GPLD1: variants seen among roughly 807,000 people sequenced by gnomAD.
The protein encoded by GPLD1 is phosphatidylinositol-glycan-specific phospholipase D.
GPLD1 carries 84 observed loss-of-function variants against 112.6 expected under a neutral mutation model. The ratio of observed to expected loss-of-function variants is 0.75; its 90% CI spans 0.63 to 0.89. GPLD1 has a LOEUF of 0.89. Among genes scored for constraint, GPLD1 ranks in the 40% least tolerant of loss-of-function variants. GPLD1 has a pLI of 0.00. For missense variants in GPLD1, 1,044 were observed against 1,051.5 expected, an observed-to-expected ratio of 0.99 and a Z score of 0.10; for synonymous variants, 386 against 403.8, an observed-to-expected ratio of 0.96 and a Z score of 0.53.
At chr6:24,470,026 T>C (rs1294615265) in intron 7 of GPLD1, among the ~76,000 whole-genome samples, 2 of 151,832 alleles carry the variant, frequency 1.3e-5, no homozygotes, top group Admixed American at 6.6e-5. Flanking sequence ...CAAAAACAAC[T>C]AGAAACAAAA....
At chr6:24,465,993 C>A (rs1763600635) in intron 10 of GPLD1, among the ~76,000 whole-genome samples, 1 of 152,186 alleles carries the variant, frequency 6.6e-6, no homozygotes, top group Admixed American at 6.5e-5. Context: ...AAGAACACAG[C>A]CACTCTGGGA....
intron 4 of GPLD1, among the ~76,000 whole-genome samples, chr6:24,475,946 C>T (rs1334686486): frequency 6.6e-6 from 1 of 152,152 alleles, no homozygotes; most frequent in Non-Finnish European, 1.5e-5. Context: ...GTTGGAAGTG[C>T]TTTCAGATTA....
chr6:24,460,351 T>G lies in GPLD1; in HGVS notation c.936A>C (p.Leu312=). Reference sequence around the variant, plus strand: ...TTATATTCCTGTCAACACTTTCAGTTAGGGATGTAGTCAAATTTCTGTGAA... The same window carrying G: ...TTATATTCCTGTCAACACTTTCAGTGAGGGATGTAGTCAAATTTCTGTGAA... ...NDFHRNLTTS[L]TESVDRNINY... is the part of the protein sequence containing the mutation. The change falls in exon 12 of 25, where the codon CTA becomes CTC. Residue 312 remains leucine, a synonymous_variant. Coordinates refer to ENST00000230036, the MANE Select transcript of GPLD1 (RefSeq NM_001503.4). 1 of 1,613,020 alleles carries G rather than the reference T, an allele frequency of 6.2e-7. No homozygotes were observed. The highest frequency in any genetic ancestry group is 1.1e-5 in the South Asian group (1 of 91,064).
upstream of GPLD1, among the ~76,000 whole-genome samples, chr6:24,491,894 A>T (rs1411875911): frequency 6.6e-6 from 1 of 152,222 alleles, no homozygotes; most frequent in Non-Finnish European, 1.5e-5. Context: ...TTGCAGTTTT[A>T]TGAAGTTTGT....
chr6:24,454,139 C>T lies in GPLD1; in HGVS notation c.1211G>A (p.Gly404Asp). The change falls in exon 14 of 25, where the codon GGC (glycine) becomes GAC (aspartate). Residue 404 changes from glycine to aspartate, a missense_variant. Coordinates refer to ENST00000230036, the MANE Select transcript of GPLD1 (RefSeq NM_001503.4). ...GHGDLVVGAP[G>D]YSRPGHIHIG... ...GTGGATGTGGCCGGGGCGGCTGTAG[C>T]CTGGTGCGCCCACCACGAGGTCACC... 1.2e-6 allele frequency: 2 copies of T among 1,613,998 alleles called. No homozygotes were observed. The highest frequency in any genetic ancestry group is 1.1e-5 in the South Asian group (1 of 91,060).
rs745650116 is a variant in GPLD1, at chr6:24,426,944, C to T, written c.*2088G>A. Among the ~76,000 whole-genome samples the T allele has an allele frequency of 1.8e-4, 28 of 152,178 alleles. No homozygotes were observed. Among genetic ancestry groups the T allele is most frequent in the Non-Finnish European group, 3.5e-4 (24 of 68,034 alleles). On this transcript the variant is annotated 3_prime_UTR_variant, in exon 25 of 25. Transcript: ENST00000230036. ...CCTGGGAGTGACCCAGAGATGCTCTCTAGGGATGTACCTCTTGATGTTCTT... is the reference window on the plus strand; with the variant it reads ...CCTGGGAGTGACCCAGAGATGCTCTTTAGGGATGTACCTCTTGATGTTCTT...
chr6:24,468,167 A>G (rs1481580397), intron 7 of GPLD1, among the ~76,000 whole-genome samples: 1 of 152,086 alleles, frequency 6.6e-6, no homozygotes, highest in Non-Finnish European at 1.5e-5. Flanking sequence ...CGGCCTCCCA[A>G]AGTGCTGGGA....
chr6:24,489,590 T>A, upstream of GPLD1: 7 of 1,596,834 alleles, frequency 4.4e-6, no homozygotes, highest in South Asian at 7.9e-5. Flanking sequence ...AAAATCCAGG[T>A]GCAGACCCAC....
intron 1 of GPLD1, among the ~76,000 whole-genome samples, chr6:24,488,798 T>C (rs78096752): frequency 6.6e-6 from 1 of 152,306 alleles, no homozygotes; most frequent in East Asian, 1.9e-4. Flanking sequence ...GCCATCTCCC[T>C]ATATCCAGGA....
rs139654701 is a variant in GPLD1, at chr6:24,473,009, C to G, written c.491-373G>C. The G allele has an allele frequency of 9.0e-3, 1,422 of 158,420 alleles. 11 individuals are homozygous for G. The highest frequency in any genetic ancestry group is 0.025 in the African/African-American group (1,025 of 41,304). 9.8% of individuals were successfully genotyped at this position (158,420 alleles called of 1,614,324 possible). The stretch of plus-strand genomic sequence containing the variant: ...CAGGCTGGTCTTGAACTCCTGACCT[C>G]AGGTGATCCACCTGCCTTGGCCTCC... On this transcript the variant is annotated intron_variant, in intron 6 of 24. Coordinates refer to ENST00000230036, the MANE Select transcript of GPLD1 (RefSeq NM_001503.4).
At position 24,435,585 on chromosome 6, in the gene GPLD1, G is replaced by A. The variant is rs369163183; in HGVS notation, c.2358+991C>T. Reference sequence around the variant, plus strand: ...AAATTTTTTAAAATAGGTGGGGTACGGTGGCTCATGCCTGTTATCCCAGCA... The same window carrying A: ...AAATTTTTTAAAATAGGTGGGGTACAGTGGCTCATGCCTGTTATCCCAGCA... On this transcript the variant is annotated intron_variant, in intron 22 of 24. Transcript: ENST00000230036. Among the ~76,000 whole-genome samples, 33 of 151,550 alleles carry A rather than the reference G, an allele frequency of 2.2e-4. No homozygotes were observed. The South Asian group carries it at 2.5e-3, about 12-fold the overall frequency.
chr6:24,495,109 C>A, exon 1 of GPLD1: 1 of 1,313,210 alleles, frequency 7.6e-7, no homozygotes, highest in Non-Finnish European at 9.6e-7. Context: ...TCCGGGCCTG[C>A]GCCCGGCCCG....
At chr6:24,443,491 T>C (rs770303076) in intron 20 of GPLD1, among the ~76,000 whole-genome samples, 2 of 152,226 alleles carry the variant, frequency 1.3e-5, no homozygotes, top group Non-Finnish European at 2.9e-5. Context: ...TCTGCATTTA[T>C]GAGAAACAGT....
rs6926399 is a variant in GPLD1, at chr6:24,449,169, C to A, written c.1446+620G>T. On this transcript the variant is annotated intron_variant, in intron 15 of 24. Transcript: ENST00000230036. Reference sequence around the variant, plus strand: ...TACGAGCAAAGGTCGCAAAGTGAGACAGCCTGATGAGTTCAGGACGTGACA... The same window carrying A: ...TACGAGCAAAGGTCGCAAAGTGAGAAAGCCTGATGAGTTCAGGACGTGACA... 7.0e-3 allele frequency among the ~76,000 whole-genome samples: 1,060 copies of A among 152,088 alleles called. 15 individuals carry two copies. Among genetic ancestry groups the A allele is most frequent in the African/African-American group, 0.023 (958 of 41,490 alleles).
chr6:24,437,042 A>G, intron 21 of GPLD1, 71 bp downstream of exon 21: 2 of 1,352,936 alleles, frequency 1.5e-6, no homozygotes, highest in Non-Finnish European at 2.1e-6. Context: ...AGCCCAGATG[A>G]CCCAATTAGG....
rs1430403250 is a variant in GPLD1 at position 24,428,150 on chromosome 6, C to T, written c.*882G>A. On this transcript the variant is annotated 3_prime_UTR_variant, in exon 25 of 25. Transcript: ENST00000230036. The stretch of plus-strand genomic sequence containing the variant: ...CTTTACTCTGTACTATTTTTCCTCC[C>T]TCAGTTTCTTTTTTTTTTTTTTTTC... 4 of 116,882 alleles carry T rather than the reference C, an allele frequency of 3.4e-5. No homozygotes were observed. Among genetic ancestry groups the T allele is most frequent in the Non-Finnish European group, 6.9e-5 (4 of 58,360 alleles). 7.2% of individuals were successfully genotyped at this position (116,882 alleles called of 1,614,324 possible).
chr6:24,436,452 G>A, intron 22 of GPLD1, 124 bp downstream of exon 22: 1 of 761,262 alleles, frequency 1.3e-6, no homozygotes, highest in East Asian at 2.5e-5. Context: ...ATGGACAGAT[G>A]ATGGTGTCCT....
intron 20 of GPLD1, among the ~76,000 whole-genome samples, chr6:24,441,662 T>C (rs1241661470): frequency 6.6e-6 from 1 of 152,184 alleles, no homozygotes; most frequent in East Asian, 1.9e-4. Flanking sequence ...AGCTGTACAG[T>C]GCCGAGAGAA....
upstream of GPLD1, among the ~76,000 whole-genome samples, chr6:24,493,864 G>A (rs1378556813): frequency 6.6e-6 from 1 of 152,240 alleles, no homozygotes; most frequent in African/African-American, 2.4e-5. Flanking sequence ...CGCTGTAGGA[G>A]TTGAGAAAGG....
Sources: allele counts gnomAD v4.1 joint callset (sites outside exome capture counted in the v4.1 genomes callset), GRCh38; gene constraint gnomAD v4.1.1; transcripts MANE v1.5; gene names NCBI Gene and HGNC (gene_info 2026-07-23, HGNC 2026-07-21).